The following SLC35F1 variants were observed in gnomAD, a reference collection of about 807,000 sequenced individuals.
SLC35F1 encodes the protein chromosome 6 open reading frame 169.
In SLC35F1, 14 loss-of-function variants were observed where a neutral mutation model predicts 48.7. The ratio of observed to expected loss-of-function variants is 0.29; its 90% CI spans 0.19 to 0.45. The LOEUF is 0.45. SLC35F1 is among the 20% of genes least tolerant of loss of function. SLC35F1 has a pLI of 1.00. For synonymous variants in SLC35F1, 190 were observed against 202.2 expected, an observed-to-expected ratio of 0.94 and a Z score of 0.51; for missense variants, 404 against 500.0, an observed-to-expected ratio of 0.81 and a Z score of 1.83.
chr6:118,264,038 C>T (rs1775742986), intron 3 of SLC35F1, among the ~76,000 whole-genome samples: 1 of 152,146 alleles, frequency 6.6e-6, no homozygotes, highest in Non-Finnish European at 1.5e-5. Flanking sequence ...TTTGTGTGAC[C>T]TTGAGCACAT....
In SLC35F1 at chr6:118,314,528, GTAT is replaced by G. The variant is rs1339495344; in HGVS notation, c.*281_*283del. ...GTGAAAATTTTTGAATCAAAAGCAAGTATTATTGTTATTATGATTTGTATTATT... is the reference window on the plus strand; with the variant it reads ...GTGAAAATTTTTGAATCAAAAGCAAGTATTGTTATTATGATTTGTATTATT... On this transcript the variant is annotated 3_prime_UTR_variant, in exon 8 of 8. Coordinates refer to ENST00000360388, the MANE Select transcript of SLC35F1 (RefSeq NM_001029858.4). The G allele has an allele frequency of 4.6e-6, 2 of 439,382 alleles. No individual in the cohort carries two copies. Among genetic ancestry groups the G allele is most frequent in the Non-Finnish European group, 8.3e-6 (2 of 241,838 alleles). 27.2% of individuals were successfully genotyped at this position (439,382 alleles called of 1,614,324 possible).
At chr6:117,965,791 C>A (rs1225090202) in intron 1 of SLC35F1, among the ~76,000 whole-genome samples, 1 of 152,124 alleles carries the variant, frequency 6.6e-6, no homozygotes, top group Middle Eastern at 3.2e-3. Flanking sequence ...ACTTGGAGAA[C>A]CTTTCTGTCT....
chr6:118,267,265 C>T (rs1004142328), intron 4 of SLC35F1, 111 bp downstream of exon 4: 4 of 1,261,488 alleles, frequency 3.2e-6, no homozygotes, highest in African/African-American at 1.5e-5. Context: ...CTGGATTTCC[C>T]ACTATCTGTG....
chr6:118,039,808 G>GGTTTTTTTTTTTTTTTTTT, intron 1 of SLC35F1, among the ~76,000 whole-genome samples: 1 of 119,202 alleles, frequency 8.4e-6, no homozygotes, highest in Non-Finnish European at 1.7e-5. Flanking sequence ...TGTTTTTTTT[G>GGTTTTTTTTTTTTTTTTTT]TTTTTTTTTT....
At chr6:117,929,684 C>T (rs1282312901) in intron 1 of SLC35F1, among the ~76,000 whole-genome samples, 1 of 152,084 alleles carries the variant, frequency 6.6e-6, no homozygotes. Context: ...AGACCTTCAA[C>T]TGATTGGATG....
chr6:118,033,870 G>T (rs1483146025), intron 1 of SLC35F1, among the ~76,000 whole-genome samples: 4 of 152,198 alleles, frequency 2.6e-5, no homozygotes, highest in Non-Finnish European at 5.9e-5. Flanking sequence ...GGCTCATTGA[G>T]ATCTGTGCTG....
intron 2 of SLC35F1, among the ~76,000 whole-genome samples, chr6:118,179,730 T>C (rs1774543791): frequency 6.6e-6 from 1 of 151,938 alleles, no homozygotes; most frequent in African/African-American, 2.4e-5. Context: ...TTTTAAAGGC[T>C]TTTTTTAAAG....
chr6:118,043,616 A>G (rs1772258467), intron 1 of SLC35F1, among the ~76,000 whole-genome samples: 1 of 152,206 alleles, frequency 6.6e-6, no homozygotes, highest in East Asian at 1.9e-4. Flanking sequence ...GTGAGCTAAT[A>G]TAGATTTCCC....
chr6:118,211,418 C>G (rs1774999409), intron 2 of SLC35F1, among the ~76,000 whole-genome samples: 1 of 152,140 alleles, frequency 6.6e-6, no homozygotes, highest in Non-Finnish European at 1.5e-5. Flanking sequence ...TTCGAACTGC[C>G]CACATCACAC....
intron 1 of SLC35F1, among the ~76,000 whole-genome samples, chr6:118,038,267 T>G (rs557983940): frequency 7.4e-4 from 112 of 152,248 alleles, no homozygotes; most frequent in African/African-American, 2.5e-3. Flanking sequence ...TGTAGATATT[T>G]CCCATTTCTG....
At chr6:118,228,382 A>G (rs1048972057) in intron 2 of SLC35F1, among the ~76,000 whole-genome samples, 3 of 152,192 alleles carry the variant, frequency 2.0e-5, no homozygotes, top group African/African-American at 7.2e-5. Flanking sequence ...TGTCCATCAT[A>G]AGTCATACTT....
intron 1 of SLC35F1, among the ~76,000 whole-genome samples, chr6:117,928,364 A>C (rs1394712690): frequency 6.6e-6 from 1 of 152,180 alleles, no homozygotes; most frequent in East Asian, 1.9e-4. Flanking sequence ...TTCTGTATCC[A>C]GAGCCTTGGC....
intron 1 of SLC35F1, among the ~76,000 whole-genome samples, chr6:118,146,967 A>G (rs1405336139): frequency 2.6e-5 from 4 of 152,184 alleles, no homozygotes; most frequent in African/African-American, 2.4e-5. Flanking sequence ...GTAGAAGAAA[A>G]CATAAAGCTC....
At chr6:118,279,102 G>A (rs577042632) in intron 6 of SLC35F1, among the ~76,000 whole-genome samples, 1 of 152,314 alleles carries the variant, frequency 6.6e-6, no homozygotes, top group Admixed American at 6.5e-5. Context: ...ACAGTAGGGT[G>A]AATTTAGTTA....
At chr6:118,024,727 A>G (rs1777440860) in intron 1 of SLC35F1, among the ~76,000 whole-genome samples, 1 of 152,230 alleles carries the variant, frequency 6.6e-6, no homozygotes, top group Admixed American at 6.5e-5. Context: ...TAAAATGATA[A>G]CATTTGAAAG....
At chr6:118,289,713 C>A (rs1445828042) in intron 7 of SLC35F1, among the ~76,000 whole-genome samples, 9 of 152,066 alleles carry the variant, frequency 5.9e-5, no homozygotes, top group Non-Finnish European at 1.3e-4. Context: ...TCTGGCCATA[C>A]CTTACAATCA....
At chr6:117,989,672 GAAC>G (rs1237979680) in intron 1 of SLC35F1, among the ~76,000 whole-genome samples, 1 of 152,082 alleles carries the variant, frequency 6.6e-6, no homozygotes, top group Non-Finnish European at 1.5e-5. Flanking sequence ...CTAAAACTGG[GAAC>G]AACTACTAAA....
intron 1 of SLC35F1, among the ~76,000 whole-genome samples, chr6:118,031,653 G>A (rs1489261820): frequency 6.6e-6 from 1 of 152,216 alleles, no homozygotes; most frequent in Non-Finnish European, 1.5e-5. Flanking sequence ...TGAAGCGACA[G>A]TGTTACTGCT....
chr6:118,065,542 C>T (rs1299054774), intron 1 of SLC35F1, among the ~76,000 whole-genome samples: 2 of 152,040 alleles, frequency 1.3e-5, no homozygotes, highest in South Asian at 2.1e-4. Context: ...ATCACATGTA[C>T]CCCAAAAAGA....
Sources: gnomAD v4.1 joint callset for allele counts (sites outside exome capture counted in the v4.1 genomes callset) on GRCh38, gnomAD v4.1.1 for gene constraint, MANE v1.5 for transcripts, NCBI Gene and HGNC (gene_info 2026-07-23, HGNC 2026-07-21) for gene names.